The following IL4R variants were observed in gnomAD, a reference collection of about 807,000 sequenced individuals.
The protein encoded by IL4R is interleukin 4 receptor, also known as interleukin-4 receptor subunit alpha.
A neutral mutation model predicts 41.5 loss-of-function variants in IL4R; 17 were observed. The observed-to-expected ratio is 0.41, with a 90% CI of 0.28 to 0.61. The LOEUF (loss-of-function observed/expected upper bound fraction) is 0.61, where lower values mean the gene tolerates loss of function less well. Among genes scored for constraint, IL4R ranks in the 20% least tolerant of loss-of-function variants. The probability of loss-of-function intolerance (pLI) is 0.31; values close to 1 mark genes in which losing one functional copy is unlikely to be tolerated. For synonymous variants in IL4R, 402 were observed against 422.9 expected, an observed-to-expected ratio of 0.95 and a Z score of 0.61; for missense variants, 974 against 1,043.1, an observed-to-expected ratio of 0.93 and a Z score of 0.91.
At position 27,346,508 on chromosome 16, in the gene IL4R, G is replaced by A. The variant is rs1235552663; in HGVS notation, c.403G>A (p.Val135Ile). The A allele has an allele frequency of 6.2e-6, 10 of 1,614,060 alleles. No individual in the cohort carries two copies. The South Asian group carries it at 6.6e-5, about 11-fold the overall frequency. ...APGNLTVHTN[V>I]SDTLLLTWSN... is the part of the protein sequence containing the mutation. ...AGGAAACCTGACAGTTCACACCAAT[G>A]TCTCCGACACTCTGCTGCTGACCTG... The change falls in exon 6 of 11, where the codon GTC becomes ATC. Residue 135 changes from valine to isoleucine, a missense_variant. This residue lies in a region of IL4R where 284 missense variants were observed against 313.4 expected (regional missense o/e 0.91). Transcript: ENST00000395762.
chr16:27,339,837 T>C (rs1216777319), intron 2 of IL4R, among the ~76,000 whole-genome samples: 3 of 151,078 alleles, frequency 2.0e-5, no homozygotes, highest in African/African-American at 7.3e-5. Flanking sequence ...GAGGGGCAGA[T>C]CATGAGGTCA....
intron 6 of IL4R, among the ~76,000 whole-genome samples, chr16:27,347,715 G>T (rs1160697682): frequency 6.6e-6 from 1 of 152,140 alleles, no homozygotes; most frequent in African/African-American, 2.4e-5. Flanking sequence ...TGGACATATG[G>T]GACCTGGGGT....
At chr16:27,323,854 T>C (rs1476119338) in intron 1 of IL4R, among the ~76,000 whole-genome samples, 1 of 152,176 alleles carries the variant, frequency 6.6e-6, no homozygotes, top group African/African-American at 2.4e-5. Flanking sequence ...AGACGGGGTC[T>C]TGCCATGTTA....
At chr16:27,321,963 C>G (rs1295629368) in intron 1 of IL4R, among the ~76,000 whole-genome samples, 1 of 151,922 alleles carries the variant, frequency 6.6e-6, no homozygotes, top group Admixed American at 6.6e-5. Flanking sequence ...TTGCTGAGAT[C>G]TTTATAGGAT....
chr16:27,363,115 A>G lies in IL4R; in HGVS notation c.1763A>G (p.Gln588Arg). 6.2e-7 allele frequency: 1 copy of G among 1,614,052 alleles called. No individual in the cohort carries two copies. Among genetic ancestry groups the G allele is most frequent in the Non-Finnish European group, 8.5e-7 (1 of 1,180,008 alleles). ...FVHAVEQGGT[Q>R]ASAVVGLGPP... ...CATGCGGTGGAGCAGGGTGGCACCC[A>G]GGCCAGTGCGGTGGTGGGCTTGGGT... Residue 588 changes from glutamine (Q) to arginine (R), a missense_variant, in exon 11 of 11, where the codon CAG (glutamine) becomes CGG (arginine). Coordinates refer to ENST00000395762, the MANE Select transcript of IL4R (RefSeq NM_000418.4).
At chr16:27,340,456 C>T (rs953301330) in intron 3 of IL4R, among the ~76,000 whole-genome samples, 183 bp downstream of exon 3, 6 of 151,940 alleles carry the variant, frequency 3.9e-5, no homozygotes, top group Non-Finnish European at 7.4e-5. Flanking sequence ...GGTGCAGTGG[C>T]TCACACCTGT....
Position 27,355,792 on chromosome 16 carries a change from C to G in IL4R, c.671-16C>G. 6.3e-7 allele frequency: 1 copy of G among 1,588,106 alleles called. No individual in the cohort carries two copies. The highest frequency in any genetic ancestry group is 8.6e-7 in the Non-Finnish European group (1 of 1,158,174). ...CATGGCTGACCTCAGCTCATGGCTT[C>G]CCCTCCCACTTCCAGCCTACAGGGA... is the stretch of plus-strand genomic sequence containing the variant. On this transcript the variant is annotated splice_polypyrimidine_tract_variant and intron_variant, in intron 7 of 10. Transcript: ENST00000395762.
At chr16:27,352,791 A>T (rs1293499375) in intron 7 of IL4R, 95 bp downstream of exon 7, 47 of 1,274,674 alleles carry the variant, frequency 3.7e-5, no homozygotes, top group Non-Finnish European at 5.0e-5. Context: ...GGGCTTTTAT[A>T]TCATAGGATG....
Position 27,345,044 on chromosome 16 carries a change from G to A in IL4R, c.361+24G>A, listed in dbSNP as rs369875568. ...TGGTGAGCAGGGCGGAGTGCGGCAG[G>A]GGTGGCTGGGTGTGTTCCCACAGCT... is the stretch of plus-strand genomic sequence containing the variant. On this transcript the variant is annotated intron_variant, in intron 5 of 10. Coordinates refer to ENST00000395762, the MANE Select transcript of IL4R (RefSeq NM_000418.4). This position sits in a 1 kb window ranked among gnomAD's most constrained non-coding sequence, Gnocchi z 4.5. The A allele has an allele frequency of 1.9e-6, 3 of 1,603,876 alleles. No homozygotes were observed. The highest frequency in any genetic ancestry group is 2.6e-6 in the Non-Finnish European group (3 of 1,175,908).
intron 2 of IL4R, among the ~76,000 whole-genome samples, chr16:27,335,410 C>T (rs2085235025): frequency 6.6e-6 from 1 of 152,046 alleles, no homozygotes; most frequent in Non-Finnish European, 1.5e-5. Flanking sequence ...CTCTGTTGCC[C>T]AGGCTGGAGT....
At chr16:27,340,297 T>G in intron 3 of IL4R, 24 bp downstream of exon 3, 1 of 1,592,000 alleles carries the variant, frequency 6.3e-7, no homozygotes, top group African/African-American at 1.3e-5. Flanking sequence ...TCTCAATCAT[T>G]CATTTGTTGG....
chr16:27,355,356 C>T (rs1157099075), intron 7 of IL4R: 3 of 298,114 alleles, frequency 1.0e-5, no homozygotes, highest in Non-Finnish European at 2.0e-5. Flanking sequence ...GTGGACAGGC[C>T]ACTCTGTTCT....
At chr16:27,333,560 A>G (rs1036432088) in intron 2 of IL4R, among the ~76,000 whole-genome samples, 2 of 152,136 alleles carry the variant, frequency 1.3e-5, no homozygotes, top group Non-Finnish European at 2.9e-5. Flanking sequence ...GACAGTTGGG[A>G]TAACAGCCTA....
chr16:27,342,306 G>C (rs2085469043), intron 4 of IL4R, 47 bp downstream of exon 4: 2 of 1,611,516 alleles, frequency 1.2e-6, no homozygotes, highest in Non-Finnish European at 1.7e-6. Flanking sequence ...GTGCCCAAAG[G>C]GTTTGCCCCA....
rs369594980 is a variant in IL4R, at chr16:27,361,809, C to T, written c.900-443C>T. ...TTAATTCTTGTAGAGATGTTTGAGA[C>T]GGCTTGGGCTCTGTTGCCCAGGCTG... On this transcript the variant is annotated intron_variant, in intron 10 of 10. Transcript: ENST00000395762. Among the ~76,000 whole-genome samples, 45 of 152,010 alleles carry T rather than the reference C, an allele frequency of 3.0e-4. No homozygotes were observed. The South Asian group carries it at 8.8e-3, about 30-fold the overall frequency.
intron 1 of IL4R, among the ~76,000 whole-genome samples, chr16:27,322,256 G>A (rs533819667): frequency 6.6e-6 from 1 of 152,226 alleles, no homozygotes; most frequent in South Asian, 2.1e-4. Flanking sequence ...AGTAGAATAA[G>A]GGTTCAGGAT....
chr16:27,317,129 G>C (rs2084672934), intron 1 of IL4R, among the ~76,000 whole-genome samples: 1 of 152,082 alleles, frequency 6.6e-6, no homozygotes, highest in African/African-American at 2.4e-5. Context: ...GTCTTGAACT[G>C]CTGGTCTCAA....
At chr16:27,328,205 C>CAAAAAAAAAAAAAAAAAA (rs779355998) in intron 1 of IL4R, among the ~76,000 whole-genome samples, 1 of 70,508 alleles carries the variant, frequency 1.4e-5, no homozygotes, top group African/African-American at 5.0e-5. Flanking sequence ...GGCTCCATCT[C>CAAAAAAAAAAAAAAAAAA]AAAAAAAAAA....
At chr16:27,336,600 C>T (rs1052844617) in intron 2 of IL4R, among the ~76,000 whole-genome samples, 1 of 150,262 alleles carries the variant, frequency 6.7e-6, no homozygotes, top group Non-Finnish European at 1.5e-5. Context: ...ATTGCTTGAG[C>T]CCGGGAGGTG....
Sources: allele counts gnomAD v4.1 joint callset (sites outside exome capture counted in the v4.1 genomes callset), GRCh38; gene constraint gnomAD v4.1.1; regional missense constraint gnomAD v4.1.1; non-coding constraint Gnocchi (gnomAD v3.1); transcripts MANE v1.5; gene names NCBI Gene and HGNC (gene_info 2026-07-23, HGNC 2026-07-21).